TENM2: variants seen among roughly 807,000 people sequenced by gnomAD.
TENM2 encodes the protein teneurin transmembrane protein 2.
Under a neutral mutation model 245.2 loss-of-function variants are expected in TENM2, and 52 were observed. The observed-to-expected ratio is 0.21, with a 90% CI of 0.17 to 0.27. The LOEUF is 0.27. TENM2 is among the 10% of genes least tolerant of loss of function. The pLI, the probability that TENM2 is intolerant of heterozygous loss-of-function variation, is 1.00. For missense variants in TENM2, 3,046 were observed against 3,666.8 expected (o/e 0.83, Z 4.37); for synonymous variants, 1,363 against 1,438.9 (o/e 0.95, Z 1.19).
intron 13 of TENM2, among the ~76,000 whole-genome samples, chr5:168,172,362 T>C: frequency 6.6e-6 from 1 of 152,178 alleles, no homozygotes; most frequent in East Asian, 1.9e-4. Context: ...CCCTAAGGCA[T>C]TGAGCCCTTA....
intron 2 of TENM2, among the ~76,000 whole-genome samples, chr5:167,495,053 G>T (rs1439918271): frequency 6.6e-6 from 1 of 152,026 alleles, no homozygotes; most frequent in African/African-American, 2.4e-5. Context: ...AGTTTTTATT[G>T]TAATAATTTA....
intron 1 of TENM2, among the ~76,000 whole-genome samples, chr5:167,325,915 GA>G (rs1345258992): frequency 6.6e-6 from 1 of 152,094 alleles, no homozygotes; most frequent in African/African-American, 2.4e-5. Flanking sequence ...AGTTGTTAAG[GA>G]AAAAATAAAT....
the TENM2 span, among the ~76,000 whole-genome samples, chr5:167,029,927 T>C: frequency 6.6e-6 from 1 of 152,224 alleles, no homozygotes; most frequent in African/African-American, 2.4e-5. Flanking sequence ...AGTCCCTGAC[T>C]CCTGGAAGCC....
At chr5:167,110,108 G>A in the TENM2 span, among the ~76,000 whole-genome samples, 3 of 152,144 alleles carry the variant, frequency 2.0e-5, no homozygotes, top group Admixed American at 2.0e-4. Context: ...GCAGGGGTGG[G>A]GAGGCCGAGG....
At chr5:167,776,465 G>T (rs896104297) in intron 2 of TENM2, among the ~76,000 whole-genome samples, 11 of 151,136 alleles carry the variant, frequency 7.3e-5, no homozygotes, top group African/African-American at 2.7e-4. Flanking sequence ...GCGTGGTGGC[G>T]TATGCCTGTA....
intron 7 of TENM2, among the ~76,000 whole-genome samples, chr5:168,074,774 A>G (rs1205213823): frequency 6.6e-6 from 1 of 152,156 alleles, no homozygotes; most frequent in East Asian, 1.9e-4. Context: ...ATCATCCCCC[A>G]GATATTTCAG....
intron 3 of TENM2, among the ~76,000 whole-genome samples, chr5:167,881,958 A>C (rs1039056549): frequency 6.6e-6 from 1 of 152,162 alleles, no homozygotes; most frequent in African/African-American, 2.4e-5. Flanking sequence ...TTATCATCAT[A>C]CCCATTTTCT....
At chr5:168,204,580 C>T in exon 19 of TENM2, 1 of 1,613,998 alleles carries the variant, frequency 6.2e-7, no homozygotes, top group Non-Finnish European at 8.5e-7. Flanking sequence ...ACATCCGACG[C>T]ATCTTTCCCT....
intron 5 of TENM2, among the ~76,000 whole-genome samples, chr5:168,045,959 A>G (rs1343316287): frequency 6.6e-6 from 1 of 152,210 alleles, no homozygotes; most frequent in African/African-American, 2.4e-5. Context: ...TGTACAGTAA[A>G]TGTCACTTAC....
intron 2 of TENM2, among the ~76,000 whole-genome samples, chr5:167,450,698 G>A (rs765180832): frequency 6.6e-6 from 1 of 152,042 alleles, no homozygotes; most frequent in Non-Finnish European, 1.5e-5. Flanking sequence ...GGCCCCAAAT[G>A]ATCTCAGCTC....
chr5:167,641,341 T>C (rs969421330), intron 2 of TENM2, among the ~76,000 whole-genome samples: 5 of 152,068 alleles, frequency 3.3e-5, no homozygotes, highest in Admixed American at 1.3e-4. Context: ...AGACCAATAA[T>C]TTATCACCTA....
chr5:167,754,764 C>A (rs1199274095), intron 2 of TENM2, among the ~76,000 whole-genome samples: 1 of 149,288 alleles, frequency 6.7e-6, no homozygotes, highest in Non-Finnish European at 1.5e-5. Flanking sequence ...CAACGTTAAC[C>A]CAGAAAGATG....
intron 2 of TENM2, among the ~76,000 whole-genome samples, chr5:167,547,721 C>A (rs1365743780): frequency 6.6e-6 from 1 of 152,132 alleles, no homozygotes; most frequent in East Asian, 1.9e-4. Context: ...CTGAGTATAG[C>A]CTCATAATAG....
chr5:167,055,028 T>A, the TENM2 span, among the ~76,000 whole-genome samples: 1 of 152,096 alleles, frequency 6.6e-6, no homozygotes, highest in Non-Finnish European at 1.5e-5. Context: ...ATTTTTAATT[T>A]TAATGGAGTT....
At chr5:167,461,927 C>A (rs1359757398) in intron 2 of TENM2, among the ~76,000 whole-genome samples, 3 of 152,050 alleles carry the variant, frequency 2.0e-5, no homozygotes, top group Non-Finnish European at 4.4e-5. Context: ...AATTTAATCT[C>A]AACAGATTTG....
At chr5:167,462,192 C>CCCCCT (rs1491149123) in intron 2 of TENM2, among the ~76,000 whole-genome samples, 2 of 114,428 alleles carry the variant, frequency 1.7e-5, no homozygotes, top group African/African-American at 3.1e-5. Context: ...CCCCCCCCCC[C>CCCCCT]CATTGCAGGA....
exon 25 of TENM2, chr5:168,227,993 C>T: frequency 1.2e-6 from 2 of 1,613,804 alleles, no homozygotes; most frequent in Non-Finnish European, 1.7e-6. Context: ...GCCCCATGTC[C>T]TAGCGGGCAC....
At chr5:167,445,369 A>AGAGAGAGAGAGAGAGAGAGTGT (rs35699708) in intron 2 of TENM2, among the ~76,000 whole-genome samples, 11 of 98,602 alleles carry the variant, frequency 1.1e-4, no homozygotes, top group Non-Finnish European at 1.7e-4. Flanking sequence ...AGAGAGAGAG[A>AGAGAGAGAGAGAGAGAGAGTGT]GTGTCAGGTG....
chr5:167,659,065 C>T (rs1474087125), intron 2 of TENM2, among the ~76,000 whole-genome samples: 1 of 152,120 alleles, frequency 6.6e-6, no homozygotes, highest in Non-Finnish European at 1.5e-5. Flanking sequence ...AATTTGGTTG[C>T]AAAATAACAC....
Sources: gnomAD v4.1 joint callset for allele counts (sites outside exome capture counted in the v4.1 genomes callset) on GRCh38, gnomAD v4.1.1 for gene constraint, MANE v1.5 for transcripts, NCBI Gene and HGNC (gene_info 2026-07-23, HGNC 2026-07-21) for gene names.